CFH: variants seen among roughly 807,000 people sequenced by gnomAD.
CFH encodes complement factor H, also known as H factor 1 (complement).
Under a neutral mutation model 147.3 loss-of-function variants are expected in CFH, and 53 were observed. The ratio of observed to expected loss-of-function variants is 0.36; its 90% CI spans 0.29 to 0.45. The LOEUF (loss-of-function observed/expected upper bound fraction) is 0.45. CFH is among the 20% of genes least tolerant of loss of function. The pLI is 1.00. For synonymous variants in CFH, 536 were observed against 489.4 expected (o/e 1.10, Z -1.26); for missense variants, 1,380 against 1,498.0 (o/e 0.92, Z 1.30).
At chr1:196,670,320 G>A (rs897742212) in intron 1 of CFH, among the ~76,000 whole-genome samples, 5 of 152,076 alleles carry the variant, frequency 3.3e-5, no homozygotes, top group African/African-American at 1.2e-4. Flanking sequence ...TGAAATGTGA[G>A]GACATGAGAT....
chr1:196,745,220 G>C (rs1045087525), intron 20 of CFH, among the ~76,000 whole-genome samples: 1 of 152,008 alleles, frequency 6.6e-6, no homozygotes, highest in Non-Finnish European at 1.5e-5. Context: ...GTCAAAATGG[G>C]AAGTTTTCAG....
intron 2 of CFH, 76 bp downstream of exon 2, chr1:196,673,239 A>G: frequency 7.8e-7 from 1 of 1,275,422 alleles, no homozygotes; most frequent in Non-Finnish European, 1.1e-6. Context: ...TGTAGCAATT[A>G]TGCCTGAATT....
intron 11 of CFH, among the ~76,000 whole-genome samples, chr1:196,716,262 A>T (rs1668868903): frequency 1.3e-5 from 2 of 152,094 alleles, no homozygotes; most frequent in South Asian, 4.1e-4. Context: ...TAGAAGAAGG[A>T]TTGGCTCTGT....
chr1:196,743,575 A>T lies in CFH; in HGVS notation c.3257A>T (p.Asp1086Val). The T allele has an allele frequency of 6.2e-7, 1 of 1,614,052 alleles. No homozygotes were observed. Among genetic ancestry groups the T allele is most frequent in the Non-Finnish European group, 8.5e-7 (1 of 1,179,942 alleles). The change falls in exon 20 of 22, where the codon GAT becomes GTT. Residue 1086 changes from aspartate (D) to valine (V), a missense_variant. Transcript: ENST00000367429. ...QCRSPYEMFG[D>V]EEVMCLNGNW... ...AGGAGCCCTTATGAAATGTTTGGGG[A>T]TGAAGAAGTGATGTGTTTAAATGGA...
At chr1:196,699,450 T>C (rs984340400) in intron 9 of CFH, among the ~76,000 whole-genome samples, 4 of 152,210 alleles carry the variant, frequency 2.6e-5, no homozygotes, top group African/African-American at 4.8e-5. Flanking sequence ...CTTCACTGAG[T>C]AAATATTTTG....
intron 17 of CFH, 113 bp downstream of exon 17, chr1:196,737,773 T>C (rs1049425238): frequency 2.7e-6 from 2 of 736,030 alleles, no homozygotes; most frequent in African/African-American, 1.8e-5. Flanking sequence ...AAATAATTTA[T>C]ATATTATACC....
intron 18 of CFH, 157 bp downstream of exon 18, chr1:196,740,949 C>T (rs146737328): frequency 1.3e-6 from 1 of 755,534 alleles, no homozygotes; most frequent in East Asian, 2.7e-5. Context: ...GTAATTAAAA[C>T]ATTTGACATT....
At chr1:196,710,877 A>G (rs1015179341) in intron 9 of CFH, among the ~76,000 whole-genome samples, 2 of 152,246 alleles carry the variant, frequency 1.3e-5, no homozygotes, top group African/African-American at 4.8e-5. Flanking sequence ...TTTGTTTAAT[A>G]GACAGAATTT....
At chr1:196,709,727 G>A (rs79837932) in intron 9 of CFH, among the ~76,000 whole-genome samples, 2,890 of 152,008 alleles carry the variant, frequency 0.019, 29 homozygotes, top group African/African-American at 0.026. Context: ...CCTTTCTATA[G>A]ATAAAATCTA....
At chr1:196,662,825 G>A (rs983296334) in intron 1 of CFH, among the ~76,000 whole-genome samples, 2 of 151,870 alleles carry the variant, frequency 1.3e-5, no homozygotes, top group African/African-American at 2.4e-5. Flanking sequence ...GGGTCGCAGC[G>A]AGCTAAAATC....
intron 9 of CFH, among the ~76,000 whole-genome samples, chr1:196,695,392 T>C (rs1297041764): frequency 2.6e-5 from 4 of 152,092 alleles, no homozygotes; most frequent in Admixed American, 6.6e-5. Flanking sequence ...AAGTACCATG[T>C]TGTTTTGGTT....
In CFH at chr1:196,741,930, G is replaced by A; in HGVS notation, c.3012G>A (p.Lys1004=). 1.9e-6 allele frequency: 3 copies of A among 1,614,174 alleles called. No individual in the cohort carries two copies. Among genetic ancestry groups the A allele is most frequent in the African/African-American group, 1.3e-5 (1 of 75,056 alleles). Residue 1004 remains lysine (K), a synonymous_variant, in exon 19 of 22, where the codon AAG becomes AAA. Coordinates refer to ENST00000367429, the MANE Select transcript of CFH (RefSeq NM_000186.4). ...SFENAIPMGE[K]KDVYKAGEQV... is the part of the protein sequence containing the mutation. ...AAAATGCCATACCCATGGGAGAGAA[G>A]AAGGATGTGTATAAGGCGGGTGAGC...
At chr1:196,679,092 A>G (rs1175799112) in intron 5 of CFH, 2 of 153,218 alleles carry the variant, frequency 1.3e-5, no homozygotes, top group Admixed American at 6.5e-5. Flanking sequence ...CCCAGGTAAA[A>G]ATGTTTGAGA....
chr1:196,658,494 C>A (rs1189937375), intron 1 of CFH, among the ~76,000 whole-genome samples: 1 of 146,366 alleles, frequency 6.8e-6, no homozygotes, highest in African/African-American at 2.6e-5. Flanking sequence ...TCACTGCAAG[C>A]TCCGCCTCCC....
Position 196,689,512 on chromosome 1 carries a change from T to A in CFH, c.1057T>A (p.Tyr353Asn). ...PYFPVAVGKY[Y>N]SYYCDEHFET... ...CTTTCCAGTAGCTGTAGGAAAATAT[T>A]ACTCCTATTACTGTGATGAACATTT... is the stretch of plus-strand genomic sequence containing the variant. The change falls in exon 8 of 22, where the codon TAC (tyrosine) becomes AAC (asparagine). Residue 353 changes from tyrosine (Y) to asparagine (N), a missense_variant. By Grantham distance (143) the Tyr-to-Asn change is moderately radical. Around this residue, in one of 4 missense-constraint regions of CFH, gnomAD observed 167 missense variants for 228.0 expected, o/e 0.73. Coordinates refer to ENST00000367429, the MANE Select transcript of CFH (RefSeq NM_000186.4). 1.2e-6 allele frequency: 2 copies of A among 1,613,552 alleles called. No individual in the cohort carries two copies. Among genetic ancestry groups the A allele is most frequent in the Non-Finnish European group, 1.7e-6 (2 of 1,179,654 alleles).
chr1:196,706,578 C>A (rs554817980), intron 9 of CFH, among the ~76,000 whole-genome samples: 1 of 152,238 alleles, frequency 6.6e-6, no homozygotes, highest in African/African-American at 2.4e-5. Flanking sequence ...AATCAAAGAA[C>A]TCAAAATGAG....
chr1:196,654,679 A>G (rs887979849), intron 1 of CFH, among the ~76,000 whole-genome samples: 2 of 152,208 alleles, frequency 1.3e-5, no homozygotes, highest in Non-Finnish European at 2.9e-5. Flanking sequence ...ATTAAAGTGA[A>G]TAAATTAAAA....
At chr1:196,746,715 T>G (rs1224845079) in intron 21 of CFH, among the ~76,000 whole-genome samples, 1 of 152,184 alleles carries the variant, frequency 6.6e-6, no homozygotes, top group African/African-American at 2.4e-5. Context: ...AAATAAACAA[T>G]ACAATATTAT....
At chr1:196,738,810 C>A (rs1652687456) in intron 17 of CFH, among the ~76,000 whole-genome samples, 1 of 152,208 alleles carries the variant, frequency 6.6e-6, no homozygotes, top group Admixed American at 6.5e-5. Context: ...CAAGGCAGTG[C>A]CTCAGTGGGG....
Sources: allele counts gnomAD v4.1 joint callset (sites outside exome capture counted in the v4.1 genomes callset), GRCh38; gene constraint gnomAD v4.1.1; regional missense constraint gnomAD v4.1.1; transcripts MANE v1.5; gene names NCBI Gene and HGNC (gene_info 2026-07-23, HGNC 2026-07-21).